Variants in BCAS3 observed in about 807,000 individuals in gnomAD.
BCAS3 encodes the protein BCAS3 microtubule associated cell migration factor.
A neutral mutation model predicts 116.1 loss-of-function variants in BCAS3; 53 were observed. The observed-to-expected ratio is 0.46, with a 90% CI of 0.37 to 0.57. The LOEUF (loss-of-function observed/expected upper bound fraction) is 0.57. Ranked by LOEUF, BCAS3 falls within the 20% of genes least tolerant of loss-of-function variation. The probability of loss-of-function intolerance (pLI) is 0.00; values close to 1 mark genes in which losing one functional copy is unlikely to be tolerated. For synonymous variants in BCAS3, 391 were observed against 408.2 expected (o/e 0.96, Z 0.51); for missense variants, 917 against 1,165.4 (o/e 0.79, Z 3.10).
chr17:60,881,909 A>G (rs945555133), intron 9 of BCAS3, among the ~76,000 whole-genome samples: 3 of 149,042 alleles, frequency 2.0e-5, no homozygotes, highest in East Asian at 1.9e-4. Context: ...ATACGTGTGC[A>G]TGTGTCTTTA....
intron 6 of BCAS3, among the ~76,000 whole-genome samples, chr17:60,784,797 T>A (rs2046146653): frequency 1.3e-5 from 2 of 151,810 alleles, no homozygotes; most frequent in Admixed American, 1.3e-4. Context: ...CAATATTTAG[T>A]AAATTAAATG....
chr17:61,380,541 C>T lies in BCAS3; in HGVS notation c.2594-11436C>T, dbSNP rs368207698. The T allele has an allele frequency of 1.9e-6, 3 of 1,598,284 alleles. No individual in the cohort carries two copies. The highest frequency in any genetic ancestry group is 2.2e-5 in the South Asian group (2 of 91,070). On this transcript the variant is annotated intron_variant, in intron 23 of 23. Coordinates refer to ENST00000407086, the MANE Select transcript of BCAS3 (RefSeq NM_017679.5). The surrounding 1 kb of genome is among the most constrained non-coding windows in gnomAD (Gnocchi z 4.2). ...TGACGTAGCAGTAAAAACCTTCCCC[C>T]CTGAGAGACACGTGGCAGTGAAGTG...
intron 6 of BCAS3, among the ~76,000 whole-genome samples, chr17:60,793,767 A>G (rs2046980461): frequency 6.6e-6 from 1 of 151,096 alleles, no homozygotes; most frequent in Non-Finnish European, 1.5e-5. Flanking sequence ...ATTCCATCAT[A>G]TATATATATA....
At chr17:60,687,889 CAT>C (rs1359998252) in intron 3 of BCAS3, 3 of 152,258 alleles carry the variant, frequency 2.0e-5, no homozygotes, top group Non-Finnish European at 4.4e-5. Context: ...AACTTGAAGA[CAT>C]AGTGAAAGCA....
At chr17:60,701,431 G>A (rs184635756) in intron 4 of BCAS3, among the ~76,000 whole-genome samples, 4 of 152,182 alleles carry the variant, frequency 2.6e-5, no homozygotes, top group African/African-American at 7.2e-5. Context: ...CAAAAAAATA[G>A]AATATAGTTG....
At chr17:60,949,077 A>C (rs1444348014) in intron 14 of BCAS3, among the ~76,000 whole-genome samples, 1 of 152,070 alleles carries the variant, frequency 6.6e-6, no homozygotes, top group East Asian at 1.9e-4. Context: ...GGGTTTCACC[A>C]TGTTGGCCAG....
At position 61,136,029 on chromosome 17, in the gene BCAS3, C is replaced by G. The variant is rs1214141285; in HGVS notation, c.2425+51465C>G. ...TCCGCTTCTGCCATGGCCACCGCCA[C>G]TGCCGCCGCCTCCTCCTTCTTCCCT... On this transcript the variant is annotated intron_variant, in intron 22 of 23. Transcript: ENST00000407086. The surrounding 1 kb of genome is among the most constrained non-coding windows in gnomAD (Gnocchi z 4.4). 2 of 159,940 alleles carry G rather than the reference C, an allele frequency of 1.3e-5. No individual in the cohort carries two copies. The highest frequency in any genetic ancestry group is 4.8e-5 in the African/African-American group (2 of 41,596). 9.9% of individuals were successfully genotyped at this position (159,940 alleles called of 1,614,324 possible). A position where few individuals can be genotyped will look rare whatever the true frequency, so the allele number is the denominator to read the frequency against.
chr17:61,152,376 T>C (rs1374325974), intron 22 of BCAS3, among the ~76,000 whole-genome samples: 2 of 152,122 alleles, frequency 1.3e-5, no homozygotes, highest in Non-Finnish European at 2.9e-5. Context: ...AGAGTGCTGA[T>C]TGGTGCATTT....
intron 6 of BCAS3, among the ~76,000 whole-genome samples, chr17:60,772,004 C>T (rs58841517): frequency 0.045 from 6,880 of 152,112 alleles, 483 homozygotes; most frequent in African/African-American, 0.15. Context: ...TGAATAGTGC[C>T]GCAATAAACA....
chr17:60,963,065 T>G (rs781236027), intron 14 of BCAS3, among the ~76,000 whole-genome samples: 2 of 152,200 alleles, frequency 1.3e-5, no homozygotes, highest in African/African-American at 4.8e-5. Context: ...GGATGTATGT[T>G]TGGTTTCTCT....
At chr17:61,052,378 G>T (rs545308561) in intron 19 of BCAS3, among the ~76,000 whole-genome samples, 82 of 151,936 alleles carry the variant, frequency 5.4e-4, no homozygotes, top group Non-Finnish European at 1.0e-3. Flanking sequence ...GTTCCATTTG[G>T]ATCTTCTTTA....
intron 14 of BCAS3, among the ~76,000 whole-genome samples, chr17:60,971,117 G>T (rs1390305059): frequency 6.6e-6 from 1 of 152,144 alleles, no homozygotes; most frequent in African/African-American, 2.4e-5. Context: ...CCTTACCTTG[G>T]CTGTGAGTGA....
At chr17:61,191,080 A>G (rs1288113627) in intron 22 of BCAS3, among the ~76,000 whole-genome samples, 1 of 151,918 alleles carries the variant, frequency 6.6e-6, no homozygotes, top group Non-Finnish European at 1.5e-5. Context: ...AATAATAATA[A>G]TAATAAATCA....
chr17:61,084,799 T>C lies in BCAS3; in HGVS notation c.2425+235T>C, dbSNP rs2072944193. The stretch of plus-strand genomic sequence containing the variant: ...GGAGTTGGCACTTGATTAAATGTAA[T>C]GAACATAGTATTGAAGGCTACAGGG... On this transcript the variant is annotated intron_variant, in intron 22 of 23. Coordinates refer to ENST00000407086, the MANE Select transcript of BCAS3 (RefSeq NM_017679.5). The surrounding 1 kb of genome is among the most constrained non-coding windows in gnomAD (Gnocchi z 5.5). Among the ~76,000 whole-genome samples, 1 of 152,224 alleles carries C rather than the reference T, an allele frequency of 6.6e-6. No individual in the cohort carries two copies. Among genetic ancestry groups the C allele is most frequent in the Non-Finnish European group, 1.5e-5 (1 of 68,036 alleles).
intron 22 of BCAS3, among the ~76,000 whole-genome samples, chr17:61,129,757 G>A (rs984425031): frequency 4.6e-5 from 7 of 152,182 alleles, no homozygotes; most frequent in African/African-American, 1.7e-4. Flanking sequence ...AGTTCCTCCC[G>A]TGGACTTCAT....
At chr17:60,787,093 GCAAA>G (rs1444398591) in intron 6 of BCAS3, among the ~76,000 whole-genome samples, 1 of 152,036 alleles carries the variant, frequency 6.6e-6, no homozygotes, top group Non-Finnish European at 1.5e-5. Context: ...TTAATGTCAT[GCAAA>G]CAGTTTATAT....
intron 7 of BCAS3, among the ~76,000 whole-genome samples, chr17:60,841,870 G>A (rs1002301981): frequency 2.0e-5 from 3 of 152,032 alleles, no homozygotes; most frequent in African/African-American, 7.2e-5. Flanking sequence ...CCACATGGCT[G>A]CTTACATAAT....
In BCAS3 at chr17:61,279,766, G is replaced by C. The variant is rs1444906371; in HGVS notation, c.2426-88561G>C. Among the ~76,000 whole-genome samples, 1 of 150,878 alleles carries C rather than the reference G, an allele frequency of 6.6e-6. No homozygotes were observed. Among genetic ancestry groups the C allele is most frequent in the Non-Finnish European group, 1.5e-5 (1 of 67,840 alleles). On this transcript the variant is annotated intron_variant, in intron 22 of 23. Coordinates refer to ENST00000407086, the MANE Select transcript of BCAS3 (RefSeq NM_017679.5). This position sits in a 1 kb window ranked among gnomAD's most constrained non-coding sequence, Gnocchi z 4.4. ...ATGGTGAGGTGGCACTGGTCCCTCT[G>C]CTTGAGTGAAGAAAAAAAAAAAAAA...
intron 2 of BCAS3, 74 bp from the exon 3 acceptor site, chr17:60,683,908 C>A (rs2033634649): frequency 8.0e-7 from 1 of 1,248,170 alleles, no homozygotes; most frequent in Non-Finnish European, 1.2e-6. Context: ...TTTATTAAGG[C>A]TTGTAAATAG....
Sources: gnomAD v4.1 joint callset for allele counts (sites outside exome capture counted in the v4.1 genomes callset) on GRCh38, gnomAD v4.1.1 for gene constraint, Gnocchi (gnomAD v3.1) non-coding constraint, MANE v1.5 for transcripts, NCBI Gene and HGNC (gene_info 2026-07-23, HGNC 2026-07-21) for gene names.